The following RGS6 variants were observed in gnomAD, a reference collection of about 807,000 sequenced individuals.
RGS6 encodes the protein regulator of G-protein signaling 6.
Under a neutral mutation model 78.5 loss-of-function variants are expected in RGS6, and 30 were observed. The ratio of observed to expected loss-of-function variants is 0.38; its 90% confidence interval spans 0.29 to 0.52. The LOEUF (loss-of-function observed/expected upper bound fraction) is 0.52. RGS6 is among the 20% of genes least tolerant of loss of function. RGS6 has a pLI of 0.85. For synonymous variants in RGS6, 206 were observed against 206.0 expected (o/e 1.00, Z 0.00); for missense variants, 495 against 609.7 (o/e 0.81, Z 1.98).
At chr14:72,458,444 ACT>A (rs1402653834) in intron 5 of RGS6, 67 bp downstream of exon 5, 3 of 1,242,756 alleles carry the variant, frequency 2.4e-6, no homozygotes, top group African/African-American at 3.0e-5. Context: ...TTAGGTTAGA[ACT>A]ACAAAGAAAA....
intron 2 of RGS6, among the ~76,000 whole-genome samples, chr14:72,139,771 T>A (rs1288897334): frequency 6.6e-6 from 1 of 151,670 alleles, no homozygotes; most frequent in African/African-American, 2.4e-5. Context: ...AATAAAGTAT[T>A]AGAACCCAGA....
At chr14:72,257,683 G>A (rs367747138) in intron 2 of RGS6, among the ~76,000 whole-genome samples, 1 of 152,082 alleles carries the variant, frequency 6.6e-6, no homozygotes, top group South Asian at 2.1e-4. Flanking sequence ...AAGTAGGCTC[G>A]TTAGTAAGAC....
chr14:72,043,373 A>G (rs993885322), intron 2 of RGS6, among the ~76,000 whole-genome samples: 3 of 152,144 alleles, frequency 2.0e-5, no homozygotes, highest in African/African-American at 4.8e-5. Flanking sequence ...TGACTATACT[A>G]TATTCCTTCT....
intron 2 of RGS6, among the ~76,000 whole-genome samples, chr14:72,021,061 C>T (rs935790388): frequency 3.3e-5 from 5 of 152,180 alleles, no homozygotes; most frequent in African/African-American, 9.7e-5. Context: ...GCATGCCTGG[C>T]GTGGAACAAA....
intron 17 of RGS6, among the ~76,000 whole-genome samples, chr14:72,559,118 G>A (rs1275984491): frequency 6.6e-6 from 1 of 152,204 alleles, no homozygotes; most frequent in East Asian, 1.9e-4. Flanking sequence ...GTTCCTTCAG[G>A]ATCATCCAAA....
chr14:72,607,164 C>G, the RGS6 span, among the ~76,000 whole-genome samples: 2 of 152,352 alleles, frequency 1.3e-5, no homozygotes, highest in East Asian at 3.9e-4. Context: ...GGCACATCTA[C>G]TGCCTTCTCA....
chr14:72,342,044 A>G (rs2077112693), intron 2 of RGS6, among the ~76,000 whole-genome samples: 1 of 152,154 alleles, frequency 6.6e-6, no homozygotes, highest in African/African-American at 2.4e-5. Flanking sequence ...TAGAACTTGA[A>G]TATTTTTGTA....
At chr14:71,903,108 C>CT in the RGS6 span, among the ~76,000 whole-genome samples, 1 of 152,162 alleles carries the variant, frequency 6.6e-6, no homozygotes, top group African/African-American at 2.4e-5. Context: ...ACTCCAGGAA[C>CT]CTGGGATTTA....
intron 2 of RGS6, among the ~76,000 whole-genome samples, chr14:72,314,516 G>T (rs957804942): frequency 6.6e-6 from 1 of 152,016 alleles, no homozygotes; most frequent in Non-Finnish European, 1.5e-5. Context: ...GAAGGTGAGT[G>T]TTTAGCTTTT....
rs569782068 is a variant in RGS6 at position 72,509,590 on chromosome 14, G to A, written c.966-564G>A. On this transcript the variant is annotated intron_variant, in intron 13 of 17. Transcript: ENST00000553525. ...TGCTTGAGACGGTGTCTAGCACACGGTAAGCACTGTGCATGGTTGTTAAAT... is the reference window on the plus strand; with the variant it reads ...TGCTTGAGACGGTGTCTAGCACACGATAAGCACTGTGCATGGTTGTTAAAT... Among the ~76,000 whole-genome samples the A allele has an allele frequency of 1.7e-3, 257 of 152,312 alleles. 1 individual carries two copies. The highest frequency in any genetic ancestry group is 2.7e-3 in the South Asian group (13 of 4,824).
chr14:71,936,022 A>ATG (rs2152935113), intron 1 of RGS6, among the ~76,000 whole-genome samples: 1 of 122,006 alleles, frequency 8.2e-6, no homozygotes, highest in East Asian at 2.4e-4. Context: ...TAGGATATAT[A>ATG]TATATATATA....
chr14:71,971,445 T>G (rs566262326), intron 2 of RGS6, among the ~76,000 whole-genome samples: 30 of 152,238 alleles, frequency 2.0e-4, no homozygotes, highest in Admixed American at 5.2e-4. Flanking sequence ...CCGGACATCC[T>G]TTTTGTCTAC....
rs193163280 is a variant in RGS6 at position 72,375,573 on chromosome 14, G to A, written c.184+23379G>A. Among the ~76,000 whole-genome samples the A allele has an allele frequency of 5.9e-3, 898 of 152,256 alleles. 3 individuals are homozygous for A. The highest frequency in any genetic ancestry group is 0.01 in the Non-Finnish European group (690 of 68,014). On this transcript the variant is annotated intron_variant, in intron 3 of 17. Transcript: ENST00000553525. ...CCAGCTGAGAAACCATGTGCCCCTA[G>A]ACAGAGTAACAGCCCTGTGGTCCCA... is the stretch of plus-strand genomic sequence containing the variant.
At chr14:72,211,512 T>C (rs145164011) in intron 2 of RGS6, among the ~76,000 whole-genome samples, 1 of 152,258 alleles carries the variant, frequency 6.6e-6, no homozygotes, top group Admixed American at 6.5e-5. Context: ...TGTAGGAGGA[T>C]AGGGGACTGA....
At chr14:72,169,176 C>T (rs2096973387) in intron 2 of RGS6, among the ~76,000 whole-genome samples, 1 of 152,196 alleles carries the variant, frequency 6.6e-6, no homozygotes, top group Non-Finnish European at 1.5e-5. Flanking sequence ...TTTTCACTCC[C>T]CTTCCCCTTG....
chr14:72,013,720 T>C (rs947339450), intron 2 of RGS6, among the ~76,000 whole-genome samples: 9 of 152,228 alleles, frequency 5.9e-5, no homozygotes, highest in African/African-American at 2.2e-4. Context: ...GTTGAATGTA[T>C]TGCAATGTAT....
chr14:72,447,824 C>T (rs2095404930), intron 3 of RGS6, among the ~76,000 whole-genome samples: 1 of 152,202 alleles, frequency 6.6e-6, no homozygotes, highest in Non-Finnish European at 1.5e-5. Flanking sequence ...CTGCCTCAGC[C>T]TCCCAAGTAG....
intron 2 of RGS6, among the ~76,000 whole-genome samples, chr14:72,312,743 A>T (rs2068966331): frequency 6.6e-6 from 1 of 152,196 alleles, no homozygotes; most frequent in African/African-American, 2.4e-5. Flanking sequence ...TCCAGTGTCA[A>T]AGGGCTTAGA....
intron 2 of RGS6, among the ~76,000 whole-genome samples, chr14:72,101,294 C>T (rs988942931): frequency 2.0e-5 from 3 of 152,186 alleles, no homozygotes; most frequent in Non-Finnish European, 4.4e-5. Flanking sequence ...CTGAGATGTT[C>T]TTTTACTCAT....
Sources: gnomAD v4.1 joint callset for allele counts (sites outside exome capture counted in the v4.1 genomes callset) on GRCh38, gnomAD v4.1.1 for gene constraint, MANE v1.5 for transcripts, NCBI Gene and HGNC (gene_info 2026-07-23, HGNC 2026-07-21) for gene names.